Variants in GOT1 observed in about 807,000 individuals in gnomAD.
The protein encoded by GOT1 is glutamic-oxaloacetic transaminase 1, also known as aspartate aminotransferase, cytoplasmic.
A neutral mutation model predicts 48.2 loss-of-function variants in GOT1; 25 were observed. The ratio of observed to expected loss-of-function variants is 0.52; its 90% CI spans 0.38 to 0.72. The LOEUF (loss-of-function observed/expected upper bound fraction) is 0.72. Ranked by LOEUF, GOT1 falls within the 30% of genes least tolerant of loss-of-function variation. GOT1 has a pLI of 0.00. For synonymous variants in GOT1, 188 were observed against 193.8 expected, an observed-to-expected ratio of 0.97 and a Z score of 0.25; for missense variants, 380 against 520.1, an observed-to-expected ratio of 0.73 and a Z score of 2.62.
intron 3 of GOT1, 125 bp from the exon 4 acceptor site, chr10:99,406,374 G>A: frequency 1.4e-6 from 1 of 703,666 alleles, no homozygotes; most frequent in Non-Finnish European, 2.5e-6. Context: ...CCAGGCTGGG[G>A]GTTAAGATGT....
In GOT1 at chr10:99,403,528, G is replaced by T. The variant is rs574932479; in HGVS notation, c.900C>A (p.Pro300=). 3 of 1,613,982 alleles carry T rather than the reference G, an allele frequency of 1.9e-6. No individual in the cohort carries two copies. Among genetic ancestry groups the T allele is most frequent in the Non-Finnish European group, 8.5e-7 (1 of 1,179,884 alleles). The change falls in exon 7 of 9, where the codon CCC becomes CCA. Residue 300 remains proline, a synonymous_variant. Transcript: ENST00000370508. ...TGGCCACAATTCGTGCTCCCTGGGC[G>T]GGGGGATTGGACCAAGTAATCCGCA... The part of the protein sequence containing the change: ...KIVRITWSNP[P]AQGARIVAST...
intron 2 of GOT1, among the ~76,000 whole-genome samples, chr10:99,414,202 C>T (rs1469415049): frequency 2.6e-5 from 4 of 152,138 alleles, no homozygotes; most frequent in South Asian, 2.1e-4. Flanking sequence ...ACCCATCTCA[C>T]GTGCAGAGAC....
At chr10:99,422,116 G>A (rs2032977504) in intron 1 of GOT1, among the ~76,000 whole-genome samples, 1 of 152,182 alleles carries the variant, frequency 6.6e-6, no homozygotes, top group Admixed American at 6.5e-5. Context: ...GACCATGGGG[G>A]CAGATTTCTG....
At chr10:99,406,297 G>T in intron 3 of GOT1, 48 bp from the exon 4 acceptor site, 2 of 1,333,068 alleles carry the variant, frequency 1.5e-6, no homozygotes, top group Non-Finnish European at 2.2e-6. Context: ...ACACTAGGAG[G>T]CATGAGTGGA....
intron 2 of GOT1, among the ~76,000 whole-genome samples, chr10:99,419,645 AAG>A (rs1358786736): frequency 6.6e-6 from 1 of 152,184 alleles, no homozygotes; most frequent in African/African-American, 2.4e-5. Context: ...AAGGGAGTGA[AAG>A]AGAGGGGAGA....
chr10:99,412,823 C>T (rs774115142), intron 2 of GOT1, among the ~76,000 whole-genome samples: 3 of 152,158 alleles, frequency 2.0e-5, no homozygotes, highest in Non-Finnish European at 4.4e-5. Context: ...GCTGCTGATA[C>T]CCAGGCAAAC....
chr10:99,421,802 G>A (rs1294019538), intron 1 of GOT1, among the ~76,000 whole-genome samples: 1 of 151,832 alleles, frequency 6.6e-6, no homozygotes, highest in Non-Finnish European at 1.5e-5. Context: ...ATTTTGAAAT[G>A]GAAACAAAAT....
chr10:99,412,307 A>G (rs1296285105), intron 2 of GOT1, among the ~76,000 whole-genome samples: 1 of 148,498 alleles, frequency 6.7e-6, no homozygotes, highest in Non-Finnish European at 1.5e-5. Flanking sequence ...TCTGGATTTT[A>G]CCCTACAGGC....
chr10:99,397,762 C>G lies in GOT1; in HGVS notation c.1103-76G>C, dbSNP rs1400632582. ...CAGTGGAGGCTCAGCAATTATATGA[C>G]AATTACAGCTTTACTTCTTTCCCCT... On this transcript the variant is annotated intron_variant, in intron 8 of 8. Coordinates refer to ENST00000370508, the MANE Select transcript of GOT1 (RefSeq NM_002079.3). This position sits in a 1 kb window ranked among gnomAD's most constrained non-coding sequence, Gnocchi z 5.4. 6 of 1,366,510 alleles carry G rather than the reference C, an allele frequency of 4.4e-6. No homozygotes were observed. Among genetic ancestry groups the G allele is most frequent in the African/African-American group, 1.4e-5 (1 of 69,966 alleles). The allele number at this position is 1,366,510 out of a possible 1,614,324, so 84.6% of individuals were successfully genotyped here.
chr10:99,401,831 G>A (rs1252994736), intron 8 of GOT1, among the ~76,000 whole-genome samples: 2 of 149,758 alleles, frequency 1.3e-5, no homozygotes, highest in Non-Finnish European at 3.0e-5. Flanking sequence ...TTTTTGAGAC[G>A]GAGTCTCGCT....
chr10:99,429,889 G>T (rs1370193425), intron 1 of GOT1, among the ~76,000 whole-genome samples: 2 of 152,122 alleles, frequency 1.3e-5, no homozygotes, highest in Non-Finnish European at 2.9e-5. Context: ...CCCGGGGGCA[G>T]CATTAACCTG....
chr10:99,405,764 C>G lies in GOT1; in HGVS notation c.634G>C (p.Val212Leu). 1 of 1,543,526 alleles carries G rather than the reference C, an allele frequency of 6.5e-7. No individual in the cohort carries two copies. The highest frequency in any genetic ancestry group is 9.0e-7 in the Non-Finnish European group (1 of 1,115,502). The part of the protein sequence containing the change: ...TPEQWKQIAS[V>L]MKHRFLFPFF... ...TCTGAAGGGGCAGTTACCTTCATGA[C>G]AGAAGCAATCTGCTTCCACTGCTCC... The change falls in exon 5 of 9, where the codon GTC (valine) becomes CTC (leucine). Residue 212 changes from valine (V) to leucine (L), a missense_variant. Coordinates refer to ENST00000370508, the MANE Select transcript of GOT1 (RefSeq NM_002079.3).
At chr10:99,405,394 G>A (rs1489435472) in intron 5 of GOT1, among the ~76,000 whole-genome samples, 1 of 152,030 alleles carries the variant, frequency 6.6e-6, no homozygotes, top group Non-Finnish European at 1.5e-5. Flanking sequence ...ATATAGCTAT[G>A]AAAAATGATG....
chr10:99,399,798 C>A (rs1021106671), intron 8 of GOT1, among the ~76,000 whole-genome samples: 1 of 152,096 alleles, frequency 6.6e-6, no homozygotes, highest in Non-Finnish European at 1.5e-5. Flanking sequence ...AATTTGTATG[C>A]CTTTTCTCCT....
intron 2 of GOT1, among the ~76,000 whole-genome samples, chr10:99,408,680 C>A (rs1473562168): frequency 6.6e-6 from 1 of 152,178 alleles, no homozygotes; most frequent in Non-Finnish European, 1.5e-5. Context: ...GATCGCACCA[C>A]TGCCCTCCAG....
chr10:99,418,657 A>G (rs2032928559), intron 2 of GOT1, among the ~76,000 whole-genome samples: 1 of 152,036 alleles, frequency 6.6e-6, no homozygotes, highest in Admixed American at 6.6e-5. Flanking sequence ...GCATGCCACC[A>G]TGCCCGGCTA....
intron 8 of GOT1, among the ~76,000 whole-genome samples, chr10:99,398,885 T>G (rs2032633259): frequency 6.6e-6 from 1 of 152,166 alleles, no homozygotes; most frequent in African/African-American, 2.4e-5. Context: ...TTAAATGGCC[T>G]TCCGAGATTG....
At chr10:99,409,787 A>G (rs2032807932) in intron 2 of GOT1, among the ~76,000 whole-genome samples, 1 of 152,244 alleles carries the variant, frequency 6.6e-6, no homozygotes, top group African/African-American at 2.4e-5. Flanking sequence ...CTTCCTGAAA[A>G]TGACTGAAAA....
At chr10:99,407,620 G>C (rs1701428703) in intron 2 of GOT1, among the ~76,000 whole-genome samples, 1 of 151,842 alleles carries the variant, frequency 6.6e-6, no homozygotes, top group African/African-American at 2.4e-5. Context: ...ATTTAGTAGA[G>C]ACGGGGTTTC....
Sources: gnomAD v4.1 joint callset for allele counts (sites outside exome capture counted in the v4.1 genomes callset) on GRCh38, gnomAD v4.1.1 for gene constraint, Gnocchi (gnomAD v3.1) non-coding constraint, MANE v1.5 for transcripts, NCBI Gene and HGNC (gene_info 2026-07-23, HGNC 2026-07-21) for gene names.